The following PTDSS2 variants were observed in gnomAD, a reference collection of about 807,000 sequenced individuals.
The protein encoded by PTDSS2 is phosphatidylserine synthase 2, also known as PSS-2.
In PTDSS2, 41 loss-of-function variants were observed where a neutral mutation model predicts 64.7. That is an observed-to-expected ratio of 0.63 (90% CI 0.49 to 0.82). The LOEUF (loss-of-function observed/expected upper bound fraction) is 0.82, where lower values mean the gene tolerates loss of function less well. Ranked by LOEUF, PTDSS2 falls within the 40% of genes least tolerant of loss-of-function variation. The pLI is 0.00. For missense variants in PTDSS2, 485 were observed against 650.0 expected (o/e 0.75, Z 2.76); for synonymous variants, 297 against 277.8 (o/e 1.07, Z -0.69).
intron 2 of PTDSS2, among the ~76,000 whole-genome samples, chr11:468,172 C>G (rs1047551885): frequency 6.6e-6 from 1 of 152,178 alleles, no homozygotes; most frequent in African/African-American, 2.4e-5. Flanking sequence ...CCGGGAGGAA[C>G]CTTAAATACA....
In PTDSS2 at chr11:479,077, C is replaced by T; in HGVS notation, c.368-8C>T. On this transcript the variant is annotated splice_region_variant and splice_polypyrimidine_tract_variant and intron_variant, in intron 3 of 11. Coordinates refer to ENST00000308020, the MANE Select transcript of PTDSS2 (RefSeq NM_030783.3). The surrounding 1 kb of genome is among the most constrained non-coding windows in gnomAD (Gnocchi z 4.2). ...GGCGCACTAACGTTCTGTCGTCTGT[C>T]TTTGTAGCTTACTGGAGGTTTTGGC... 2 of 1,613,866 alleles carry T rather than the reference C, an allele frequency of 1.2e-6. No homozygotes were observed. The highest frequency in any genetic ancestry group is 1.7e-6 in the Non-Finnish European group (2 of 1,179,706).
At position 462,848 on chromosome 11, in the gene PTDSS2, C is replaced by T. The variant is rs1376496812; in HGVS notation, c.284+2560C>T. ...TTTTAATACTAGAATTATCTGATGT[C>T]CTCAAGGGTAGATTTTCTTATATAG... On this transcript the variant is annotated intron_variant, in intron 2 of 11. Coordinates refer to ENST00000308020, the MANE Select transcript of PTDSS2 (RefSeq NM_030783.3). The surrounding 1 kb of genome is among the most constrained non-coding windows in gnomAD (Gnocchi z 4.5). The T allele has an allele frequency of 3.9e-5, 6 of 152,208 alleles. No homozygotes were observed. Among genetic ancestry groups the T allele is most frequent in the Admixed American group, 3.3e-4 (5 of 15,280 alleles). The allele number at this position is 152,208 out of a possible 1,614,324, so 9.4% of individuals were successfully genotyped here.
In PTDSS2 at chr11:460,228, C is replaced by T. The variant is rs1300023049; in HGVS notation, c.224C>T (p.Thr75Met). ...TLTVLFILTC[T>M]LGYVTLLEET... ...ACCGTGCTCTTCATCCTCACCTGTA[C>T]GCTTGGCTATGTGACGCTGCTGGAG... Residue 75 changes from threonine (T) to methionine (M), a missense_variant, in exon 2 of 12, where the codon ACG (threonine) becomes ATG (methionine). Physicochemically the swap from Thr to Met is moderately conservative, Grantham distance 81. Transcript: ENST00000308020. This position sits in a 1 kb window ranked among gnomAD's most constrained non-coding sequence, Gnocchi z 5.8. 6 of 1,614,222 alleles carry T rather than the reference C, an allele frequency of 3.7e-6. No homozygotes were observed. Among genetic ancestry groups the T allele is most frequent in the South Asian group, 2.2e-5 (2 of 91,090 alleles).
rs1848641923 is a variant in PTDSS2, at chr11:490,779, C to CGTGTGTATGCGT, written c.*205_*216dup. ...TCATCTCCATGTGTACACGTGTGTA[C>CGTGTGTATGCGT]GTGTGTATGCGTGTGTGTACGCGTG... On this transcript the variant is annotated 3_prime_UTR_variant, in exon 12 of 12. Transcript: ENST00000308020. 15 of 610,376 alleles carry CGTGTGTATGCGT rather than the reference C, an allele frequency of 2.5e-5. No individual in the cohort carries two copies. Among genetic ancestry groups the CGTGTGTATGCGT allele is most frequent in the South Asian group, 2.2e-4 (11 of 50,360 alleles). The allele number at this position is 610,376 out of a possible 1,614,324, so 37.8% of individuals were successfully genotyped here. A position where few individuals can be genotyped will look rare whatever the true frequency, so the allele number is the denominator to read the frequency against.
At position 476,652 on chromosome 11, in the gene PTDSS2, C is replaced by T. The variant is rs1017052108; in HGVS notation, c.368-2433C>T. Reference sequence around the variant, plus strand: ...CCTCAGCTCTGAGCAGTCAGGAGCTCTGGCGCAGGTCACCTGGCGGGATGT... The same window carrying T: ...CCTCAGCTCTGAGCAGTCAGGAGCTTTGGCGCAGGTCACCTGGCGGGATGT... On this transcript the variant is annotated intron_variant, in intron 3 of 11. Transcript: ENST00000308020. The surrounding 1 kb of genome is among the most constrained non-coding windows in gnomAD (Gnocchi z 4.9). 1.3e-5 allele frequency among the ~76,000 whole-genome samples: 2 copies of T among 152,140 alleles called. No homozygotes were observed. The highest frequency in any genetic ancestry group is 1.3e-4 in the Admixed American group (2 of 15,280).
chr11:459,507 T>C (rs944072028), intron 1 of PTDSS2: 1 of 152,984 alleles, frequency 6.5e-6, no homozygotes, highest in Admixed American at 6.5e-5. Flanking sequence ...CAGATGGTCA[T>C]GCAGAGGGGG....
At position 470,839 on chromosome 11, in the gene PTDSS2, C is replaced by T. The variant is rs1847394143; in HGVS notation, c.285-3056C>T. Among the ~76,000 whole-genome samples, 1 of 152,062 alleles carries T rather than the reference C, an allele frequency of 6.6e-6. No individual in the cohort carries two copies. The highest frequency in any genetic ancestry group is 6.6e-5 in the Admixed American group (1 of 15,266). On this transcript the variant is annotated intron_variant, in intron 2 of 11. Coordinates refer to ENST00000308020, the MANE Select transcript of PTDSS2 (RefSeq NM_030783.3). The surrounding 1 kb of genome is among the most constrained non-coding windows in gnomAD (Gnocchi z 5.3). Reference sequence around the variant, plus strand: ...TCCTGACCTTGTGATCCGCCTGCCTCAGCCTCCCAAAGTGCTGGGATTACA... The same window carrying T: ...TCCTGACCTTGTGATCCGCCTGCCTTAGCCTCCCAAAGTGCTGGGATTACA...
intron 1 of PTDSS2, among the ~76,000 whole-genome samples, chr11:456,170 CTTTTTTTTTTT>C (rs71022912): frequency 8.7e-6 from 1 of 114,894 alleles, no homozygotes; most frequent in Admixed American, 9.8e-5. Flanking sequence ...TTCTTTCATT[CTTTTTTTTTTT>C]TTTTTTTTTG....
intron 4 of PTDSS2, among the ~76,000 whole-genome samples, chr11:486,299 CG>C (rs958120228): frequency 7.1e-6 from 1 of 141,676 alleles, no homozygotes; most frequent in Non-Finnish European, 1.6e-5. Flanking sequence ...GGGGAGGGGT[CG>C]GGGTGGGGGC....
At chr11:471,945 GGATGGCGGCCTGGGGTGATGCA>G (rs1391255540) in intron 2 of PTDSS2, among the ~76,000 whole-genome samples, 12 of 133,612 alleles carry the variant, frequency 9.0e-5, no homozygotes, top group East Asian at 8.5e-4. Flanking sequence ...GGGGTGACGT[GGATGGCGGCCTGGGGTGATGCA>G]GATGGCGGCC....
chr11:458,995 G>C (rs1487154524), intron 1 of PTDSS2: 2 of 152,300 alleles, frequency 1.3e-5, no homozygotes, highest in African/African-American at 4.8e-5. Context: ...AGGCACGGAG[G>C]GGTGCATCAT....
Position 490,865 on chromosome 11 carries a change from G to C in PTDSS2, c.*283G>C, listed in dbSNP as rs544015983. 12 of 429,916 alleles carry C rather than the reference G, an allele frequency of 2.8e-5. No individual in the cohort carries two copies. The highest frequency in any genetic ancestry group is 5.0e-5 in the Non-Finnish European group (12 of 240,864). 26.6% of individuals were successfully genotyped at this position (429,916 alleles called of 1,614,324 possible). A position where few individuals can be genotyped will look rare whatever the true frequency, so the allele number is the denominator to read the frequency against. On this transcript the variant is annotated 3_prime_UTR_variant, in exon 12 of 12. Transcript: ENST00000308020. ...GGTGTGCACGTGTGCTCTGGGCTCC[G>C]AGGCTTCTCCAGAGCTGGGAGCTGG...
rs928454918 is a variant in PTDSS2, at chr11:462,851, C to G, written c.284+2563C>G. On this transcript the variant is annotated intron_variant, in intron 2 of 11. Transcript: ENST00000308020. This position sits in a 1 kb window ranked among gnomAD's most constrained non-coding sequence, Gnocchi z 4.5. ...TAATACTAGAATTATCTGATGTCCT[C>G]AAGGGTAGATTTTCTTATATAGAAA... is the stretch of plus-strand genomic sequence containing the variant. 2.0e-5 allele frequency: 3 copies of G among 152,194 alleles called. No individual in the cohort carries two copies. Among genetic ancestry groups the G allele is most frequent in the African/African-American group, 7.2e-5 (3 of 41,456 alleles). 9.4% of individuals were successfully genotyped at this position (152,194 alleles called of 1,614,324 possible). A position where few individuals can be genotyped will look rare whatever the true frequency, so the allele number is the denominator to read the frequency against.
chr11:457,676 A>G (rs1281591861), intron 1 of PTDSS2, among the ~76,000 whole-genome samples: 1 of 152,172 alleles, frequency 6.6e-6, no homozygotes, highest in Admixed American at 6.5e-5. Context: ...GTTTTAGGTT[A>G]TTATACCTGA....
In PTDSS2 at chr11:491,131, C is replaced by T. The variant is rs536218967; in HGVS notation, c.*549C>T. 23 of 156,930 alleles carry T rather than the reference C, an allele frequency of 1.5e-4. No homozygotes were observed. Among genetic ancestry groups the T allele is most frequent in the Admixed American group, 1.3e-3 (22 of 16,540 alleles). The allele number at this position is 156,930 out of a possible 1,614,324, so 9.7% of individuals were successfully genotyped here. A position where few individuals can be genotyped will look rare whatever the true frequency, so the allele number is the denominator to read the frequency against. On this transcript the variant is annotated 3_prime_UTR_variant, in exon 12 of 12. Coordinates refer to ENST00000308020, the MANE Select transcript of PTDSS2 (RefSeq NM_030783.3). ...CCACTTCCCCCGCAGCTCGTGTGGG[C>T]GCTCGTCCACAAACACTCCGTGGCT...
At chr11:482,089 G>T (rs549550497) in intron 4 of PTDSS2, among the ~76,000 whole-genome samples, 2 of 151,728 alleles carry the variant, frequency 1.3e-5, no homozygotes, top group Non-Finnish European at 2.9e-5. Context: ...CAGGTGATCC[G>T]CCCACCTTGG....
At position 462,314 on chromosome 11, in the gene PTDSS2, G is replaced by A. The variant is rs1038207332; in HGVS notation, c.284+2026G>A. Among the ~76,000 whole-genome samples, 1 of 152,120 alleles carries A rather than the reference G, an allele frequency of 6.6e-6. No homozygotes were observed. Among genetic ancestry groups the A allele is most frequent in the Non-Finnish European group, 1.5e-5 (1 of 68,012 alleles). On this transcript the variant is annotated intron_variant, in intron 2 of 11. Transcript: ENST00000308020. The surrounding 1 kb of genome is among the most constrained non-coding windows in gnomAD (Gnocchi z 4.5). ...CACTGGCCTCTCCTGAGTGGCCCCC[G>A]ACGTGAGAGGCTGGGTTCTGCCATC...
intron 3 of PTDSS2, among the ~76,000 whole-genome samples, chr11:478,119 G>C (rs889399180): frequency 2.0e-5 from 3 of 152,146 alleles, no homozygotes; most frequent in African/African-American, 7.2e-5. Context: ...TTAGAAGTCT[G>C]TTAATGTAAC....
At chr11:457,098 A>G (rs886657525) in intron 1 of PTDSS2, among the ~76,000 whole-genome samples, 11 of 152,022 alleles carry the variant, frequency 7.2e-5, no homozygotes, top group Non-Finnish European at 4.4e-5. Flanking sequence ...AAAAAATCCA[A>G]CCTGACCCAC....
Sources: allele counts gnomAD v4.1 joint callset (sites outside exome capture counted in the v4.1 genomes callset), GRCh38; gene constraint gnomAD v4.1.1; non-coding constraint Gnocchi (gnomAD v3.1); transcripts MANE v1.5; gene names NCBI Gene and HGNC (gene_info 2026-07-23, HGNC 2026-07-21).